The following DPP10 variants were observed in gnomAD, a reference collection of about 807,000 sequenced individuals.
DPP10 encodes inactive dipeptidyl peptidase 10.
In DPP10, 33 loss-of-function variants were observed where a neutral mutation model predicts 120.9. The ratio of observed to expected loss-of-function variants is 0.27; its 90% confidence interval spans 0.21 to 0.37. DPP10 has a LOEUF of 0.37. Among genes scored for constraint, DPP10 ranks in the 10% least tolerant of loss-of-function variants. The pLI, the probability that DPP10 is intolerant of heterozygous loss-of-function variation, is 1.00. For synonymous variants in DPP10, 337 were observed against 326.1 expected, an observed-to-expected ratio of 1.03 and a Z score of -0.36; for missense variants, 816 against 942.8, an observed-to-expected ratio of 0.87 and a Z score of 1.76.
At chr2:115,215,087 G>A (rs536948089) in intron 1 of DPP10, among the ~76,000 whole-genome samples, 5 of 152,232 alleles carry the variant, frequency 3.3e-5, no homozygotes, top group East Asian at 1.9e-4. Context: ...GGTAATTTGC[G>A]TTGTGACATA....
chr2:114,832,205 G>C (rs1687196039), intron 1 of DPP10, among the ~76,000 whole-genome samples: 2 of 152,142 alleles, frequency 1.3e-5, no homozygotes, highest in African/African-American at 4.8e-5. Flanking sequence ...ATAGACTATA[G>C]TTTTCTTAGA....
intron 1 of DPP10, among the ~76,000 whole-genome samples, chr2:114,563,000 G>A (rs1003325990): frequency 2.6e-5 from 4 of 152,134 alleles, no homozygotes; most frequent in African/African-American, 9.7e-5. Context: ...AACATCTACA[G>A]GGCTTATTAA....
At chr2:115,588,538 C>G (rs904282575) in intron 5 of DPP10, among the ~76,000 whole-genome samples, 2 of 152,120 alleles carry the variant, frequency 1.3e-5, no homozygotes, top group African/African-American at 4.8e-5. Context: ...AGGTGAAGCT[C>G]AAATACAGCA....
At chr2:115,153,418 G>A (rs1162454827) in intron 1 of DPP10, among the ~76,000 whole-genome samples, 2 of 152,156 alleles carry the variant, frequency 1.3e-5, no homozygotes, top group Non-Finnish European at 2.9e-5. Flanking sequence ...TTGACTATTT[G>A]GGGGTTCCTT....
intron 21 of DPP10, among the ~76,000 whole-genome samples, chr2:115,818,911 G>A (rs532914516): frequency 7.3e-6 from 1 of 137,188 alleles, no homozygotes; most frequent in South Asian, 2.4e-4. Context: ...CATCTTAAAT[G>A]GAAAAAATAT....
chr2:115,035,315 C>T (rs1704153777), intron 1 of DPP10, among the ~76,000 whole-genome samples: 1 of 152,224 alleles, frequency 6.6e-6, no homozygotes, highest in Non-Finnish European at 1.5e-5. Flanking sequence ...ACTGTCTCCT[C>T]AGGGTTTCTA....
At chr2:115,186,769 G>A (rs2054471109) in intron 1 of DPP10, among the ~76,000 whole-genome samples, 1 of 152,178 alleles carries the variant, frequency 6.6e-6, no homozygotes, top group Non-Finnish European at 1.5e-5. Context: ...TGTCCTTGTA[G>A]GATATTCACA....
intron 1 of DPP10, among the ~76,000 whole-genome samples, chr2:114,703,440 TAA>T (rs1276437588): frequency 6.6e-6 from 1 of 152,164 alleles, no homozygotes; most frequent in Admixed American, 6.6e-5. Flanking sequence ...TTCACAGACA[TAA>T]GTTTGTTTTT....
rs576280747 is a variant in DPP10, at chr2:114,859,513, C to A, written c.60+416675C>A. ...GGTTTATATTTATATTCTGACAAAC[C>A]AATTTGATTCAACAGATTATTCACG... is the stretch of plus-strand genomic sequence containing the variant. On this transcript the variant is annotated intron_variant, in intron 1 of 25. Coordinates refer to ENST00000410059, the MANE Select transcript of DPP10 (RefSeq NM_020868.6). 3.9e-5 allele frequency among the ~76,000 whole-genome samples: 6 copies of A among 152,174 alleles called. No individual in the cohort carries two copies. The South Asian group carries it at 1.2e-3, about 32-fold the overall frequency.
intron 1 of DPP10, among the ~76,000 whole-genome samples, chr2:115,051,555 A>T (rs1705483689): frequency 6.6e-6 from 1 of 152,308 alleles, no homozygotes; most frequent in Non-Finnish European, 1.5e-5. Context: ...TAGTAAATAA[A>T]TAGGCATTAT....
At chr2:115,779,951 C>A (rs1174669929) in intron 15 of DPP10, among the ~76,000 whole-genome samples, 1 of 151,900 alleles carries the variant, frequency 6.6e-6, no homozygotes, top group Non-Finnish European at 1.5e-5. Flanking sequence ...TTTCTTGTAG[C>A]TGCCTTAACA....
At chr2:115,560,583 C>G (rs996102594) in intron 5 of DPP10, among the ~76,000 whole-genome samples, 2 of 149,136 alleles carry the variant, frequency 1.3e-5, no homozygotes, top group East Asian at 2.0e-4. Flanking sequence ...GACCTCCCAC[C>G]TAGGTAGTTT....
intron 1 of DPP10, among the ~76,000 whole-genome samples, chr2:114,761,541 T>G (rs1680283904): frequency 6.6e-6 from 1 of 152,130 alleles, no homozygotes; most frequent in South Asian, 2.1e-4. Flanking sequence ...GATTGGGAAT[T>G]TCCTAAGCTC....
intron 3 of DPP10, among the ~76,000 whole-genome samples, chr2:115,489,892 A>T (rs571965139): frequency 6.6e-6 from 1 of 152,080 alleles, no homozygotes; most frequent in East Asian, 1.9e-4. Context: ...GACATTTACC[A>T]TCTATTCTCT....
chr2:114,740,356 G>A (rs1264889290), intron 1 of DPP10, among the ~76,000 whole-genome samples: 3 of 113,998 alleles, frequency 2.6e-5, no homozygotes, highest in South Asian at 3.6e-4. Context: ...GGGGACTGTT[G>A]TGGGGTGGGG....
intron 1 of DPP10, among the ~76,000 whole-genome samples, chr2:114,567,602 A>G (rs1689302681): frequency 1.3e-5 from 2 of 152,182 alleles, no homozygotes; most frequent in African/African-American, 2.4e-5. Context: ...ATAAAATTAC[A>G]TTTTTTAAAG....
chr2:114,823,371 C>G (rs1297390242), intron 1 of DPP10, among the ~76,000 whole-genome samples: 2 of 152,050 alleles, frequency 1.3e-5, no homozygotes, highest in African/African-American at 2.4e-5. Flanking sequence ...CCACGAAGTC[C>G]CTCAAGCAAA....
chr2:114,790,789 T>G (rs1289579131), intron 1 of DPP10, among the ~76,000 whole-genome samples: 1 of 152,184 alleles, frequency 6.6e-6, no homozygotes, highest in Non-Finnish European at 1.5e-5. Context: ...TCTTTTGTGG[T>G]GGAATGTCAT....
At chr2:115,539,365 T>A (rs1558819893) in intron 5 of DPP10, among the ~76,000 whole-genome samples, 1 of 151,970 alleles carries the variant, frequency 6.6e-6, no homozygotes, top group Non-Finnish European at 1.5e-5. Context: ...AGATTTTGGC[T>A]CCACATAATG....
Sources: gnomAD v4.1 joint callset for allele counts (sites outside exome capture counted in the v4.1 genomes callset) on GRCh38, gnomAD v4.1.1 for gene constraint, MANE v1.5 for transcripts, NCBI Gene and HGNC (gene_info 2026-07-23, HGNC 2026-07-21) for gene names.